Variants in RPGRIP1 observed in about 807,000 individuals in gnomAD.
RPGRIP1 encodes RPGR interacting protein 1.
In RPGRIP1, 128 loss-of-function variants were observed where a neutral mutation model predicts 157.9. The observed-to-expected ratio is 0.81, with a 90% CI of 0.70 to 0.94. The LOEUF is 0.94. Ranked by LOEUF, RPGRIP1 falls within the 40% of genes least tolerant of loss-of-function variation. The pLI, the probability that RPGRIP1 is intolerant of heterozygous loss-of-function variation, is 0.00. For synonymous variants in RPGRIP1, 554 were observed against 571.6 expected (o/e 0.97, Z 0.44); for missense variants, 1,486 against 1,545.8 (o/e 0.96, Z 0.65).
In RPGRIP1 at chr14:21,341,295, T is replaced by A. The variant is rs144095021; in HGVS notation, c.3340-1741T>A. 3.4e-3 allele frequency among the ~76,000 whole-genome samples: 521 copies of A among 152,264 alleles called. 4 individuals carry two copies. Among genetic ancestry groups the A allele is most frequent in the African/African-American group, 0.01 (422 of 41,552 alleles). ...AACTGCCCGCCTCGGCCTCCCAAAATGCTGGTATTACAGGTGTGAGCCTCT... is the reference window on the plus strand; with the variant it reads ...AACTGCCCGCCTCGGCCTCCCAAAAAGCTGGTATTACAGGTGTGAGCCTCT... On this transcript the variant is annotated intron_variant, in intron 21 of 24. Transcript: ENST00000400017.
At chr14:21,304,803 ATTC>A (rs1881227438) in intron 6 of RPGRIP1, among the ~76,000 whole-genome samples, 1 of 149,610 alleles carries the variant, frequency 6.7e-6, no homozygotes, top group African/African-American at 2.4e-5. Flanking sequence ...GGTGTTGTAC[ATTC>A]TTTTTTTTTT....
At chr14:21,316,935 C>A (rs916701160) in intron 10 of RPGRIP1, among the ~76,000 whole-genome samples, 2 of 151,846 alleles carry the variant, frequency 1.3e-5, no homozygotes, top group Admixed American at 6.6e-5. Flanking sequence ...GCACAGCCAA[C>A]ATTGTAAAAC....
chr14:21,351,071 T>C (rs1306517510), intron 24 of RPGRIP1, 33 bp from the exon 25 acceptor site: 1 of 1,259,282 alleles, frequency 7.9e-7, no homozygotes, highest in Non-Finnish European at 1.1e-6. Context: ...AGTGTTCAAC[T>C]GAGTGATGCT....
intron 2 of RPGRIP1, among the ~76,000 whole-genome samples, chr14:21,292,353 A>G (rs1017262757): frequency 2.0e-5 from 3 of 151,586 alleles, no homozygotes; most frequent in African/African-American, 7.3e-5. Context: ...CCTCAGAAAC[A>G]CTGTTTTCGG....
In RPGRIP1 at chr14:21,328,539, G is replaced by A; in HGVS notation, c.3011G>A (p.Arg1004Lys). Residue 1004 changes from arginine (R) to lysine (K), a missense_variant, in exon 19 of 25, where the codon AGA becomes AAA. Physicochemically the swap from Arg to Lys is conservative, Grantham distance 26. Coordinates refer to ENST00000400017, the MANE Select transcript of RPGRIP1 (RefSeq NM_020366.4). ...GAGCACCAGGTTGTGAGCTACTCAA[G>A]AAGAAAACATGGCAAAAGAATAGGT... is the stretch of plus-strand genomic sequence containing the variant. The part of the protein sequence containing the change: ...EKEHQVVSYS[R>K]RKHGKRIGVQ... 6.2e-7 allele frequency: 1 copy of A among 1,613,786 alleles called. No homozygotes were observed. The highest frequency in any genetic ancestry group is 8.5e-7 in the Non-Finnish European group (1 of 1,179,770).
At chr14:21,293,190 C>T (rs1222734756) in intron 2 of RPGRIP1, among the ~76,000 whole-genome samples, 1 of 151,888 alleles carries the variant, frequency 6.6e-6, no homozygotes, top group Non-Finnish European at 1.5e-5. Flanking sequence ...AATATGGTTC[C>T]CATTCACCAT....
At chr14:21,290,818 CAAA>C (rs111616598) in intron 2 of RPGRIP1, among the ~76,000 whole-genome samples, 1 of 114,892 alleles carries the variant, frequency 8.7e-6, no homozygotes. Context: ...GACTCCGTCT[CAAA>C]AAAAAAAAAA....
Position 21,341,545 on chromosome 14 carries a change from G to A in RPGRIP1, c.3340-1491G>A, listed in dbSNP as rs74034912. On this transcript the variant is annotated intron_variant, in intron 21 of 24. Transcript: ENST00000400017. Reference sequence around the variant, plus strand: ...ACAGGAGGGCACTCACAGATAGAGGGGAGAGCGCTATGGCTGGTAGGGAAC... The same window carrying A: ...ACAGGAGGGCACTCACAGATAGAGGAGAGAGCGCTATGGCTGGTAGGGAAC... 3.5e-3 allele frequency among the ~76,000 whole-genome samples: 531 copies of A among 152,184 alleles called. 1 individual carries two copies. The highest frequency in any genetic ancestry group is 0.012 in the African/African-American group (508 of 41,538).
At chr14:21,307,628 C>CAAGA in intron 6 of RPGRIP1, 103 bp from the exon 7 acceptor site, 2 of 717,680 alleles carry the variant, frequency 2.8e-6, no homozygotes, top group Non-Finnish European at 4.9e-6. Flanking sequence ...GACGGGAAGG[C>CAAGA]AAGAGACAAG....
At chr14:21,329,434 C>A (rs993051099) in intron 19 of RPGRIP1, among the ~76,000 whole-genome samples, 2 of 151,982 alleles carry the variant, frequency 1.3e-5, no homozygotes, top group Non-Finnish European at 1.5e-5. Flanking sequence ...TAATTTAATT[C>A]AGCATATTAT....
chr14:21,307,776 C>T lies in RPGRIP1; in HGVS notation c.846C>T (p.Leu282=), dbSNP rs201186199. 48 of 1,569,408 alleles carry T rather than the reference C, an allele frequency of 3.1e-5. No homozygotes were observed. The highest frequency in any genetic ancestry group is 2.1e-4 in the East Asian group (9 of 43,066). The change falls in exon 7 of 25, where the codon CTC becomes CTT. Residue 282 remains leucine (L), a synonymous_variant. Coordinates refer to ENST00000400017, the MANE Select transcript of RPGRIP1 (RefSeq NM_020366.4). Reference sequence around the variant, plus strand: ...TAGAGCTGATTCGACTTAAGAAGCTCTTACATGAAAGAAATGCTTCATTGG... The same window carrying T: ...TAGAGCTGATTCGACTTAAGAAGCTTTTACATGAAAGAAATGCTTCATTGG... ...EKVELIRLKK[L]LHERNASLVM... is the part of the protein sequence containing the mutation.
At chr14:21,288,308 G>A (rs1020815945) in intron 2 of RPGRIP1, among the ~76,000 whole-genome samples, 1 of 150,822 alleles carries the variant, frequency 6.6e-6, no homozygotes, top group Admixed American at 6.7e-5. Flanking sequence ...AGCCTCCCAA[G>A]TAGCAGGGAT....
At chr14:21,304,621 A>C (rs187095467) in intron 6 of RPGRIP1, among the ~76,000 whole-genome samples, 337 of 152,174 alleles carry the variant, frequency 2.2e-3, no homozygotes, top group Admixed American at 3.3e-3. Flanking sequence ...TTTATAGCAA[A>C]ATTAAGCAGG....
chr14:21,341,875 C>T (rs972740992), intron 21 of RPGRIP1, among the ~76,000 whole-genome samples: 9 of 151,968 alleles, frequency 5.9e-5, no homozygotes, highest in African/African-American at 1.9e-4. Context: ...CTAACTAAAC[C>T]CCGTCTCTAC....
chr14:21,335,484 G>T lies in RPGRIP1; in HGVS notation c.3339+779G>T, dbSNP rs60059258. ...CTGTAATTATCTATTAAACAGTTCAGCCTCAAAGCTCTTTCAGAACTGATT... is the reference window on the plus strand; with the variant it reads ...CTGTAATTATCTATTAAACAGTTCATCCTCAAAGCTCTTTCAGAACTGATT... On this transcript the variant is annotated intron_variant, in intron 21 of 24. Transcript: ENST00000400017. Among the ~76,000 whole-genome samples, 938 of 152,042 alleles carry T rather than the reference G, an allele frequency of 6.2e-3. 8 individuals carry two copies. Among genetic ancestry groups the T allele is most frequent in the African/African-American group, 0.022 (895 of 41,458 alleles).
intron 20 of RPGRIP1, among the ~76,000 whole-genome samples, chr14:21,332,933 G>A (rs756013773): frequency 8.6e-5 from 13 of 152,030 alleles, no homozygotes; most frequent in African/African-American, 2.9e-4. Flanking sequence ...GTAAAACCCC[G>A]CCTCTACTAA....
At chr14:21,303,249 C>A in intron 5 of RPGRIP1, 82 bp from the exon 6 acceptor site, 1 of 900,040 alleles carries the variant, frequency 1.1e-6, no homozygotes, top group Non-Finnish European at 1.7e-6. Context: ...GTTACTGATT[C>A]ACTTAATTTC....
At position 21,324,723 on chromosome 14, in the gene RPGRIP1, A is replaced by G. The variant is rs776025469; in HGVS notation, c.1868A>G (p.Gln623Arg). The G allele has an allele frequency of 6.2e-7, 1 of 1,614,022 alleles. No homozygotes were observed. The highest frequency in any genetic ancestry group is 1.1e-5 in the South Asian group (1 of 91,080). ...AAAGTGGATATTTCTCTGCTGCATC[A>G]GGGTGAGAATCTTTTTGAACTGCAC... The part of the protein sequence containing the change: ...EDKVDISLLH[Q>R]GENLFELHIH... The change falls in exon 15 of 25, where the codon CAG becomes CGG. Residue 623 changes from glutamine (Q) to arginine (R), a missense_variant. By Grantham distance (43) the Gln-to-Arg change is conservative (BLOSUM62 1). Transcript: ENST00000400017.
rs1880356692 is a variant in RPGRIP1 at position 21,287,937 on chromosome 14, A to C, written c.-38-2A>C. The C allele has an allele frequency of 7.3e-7, 1 of 1,378,086 alleles. No homozygotes were observed. The highest frequency in any genetic ancestry group is 1.4e-5 in the African/African-American group (1 of 69,656). 85.4% of individuals were successfully genotyped at this position (1,378,086 alleles called of 1,614,324 possible). On this transcript the variant is annotated splice_acceptor_variant, in intron 1 of 24. Transcript: ENST00000400017. LOFTEE classifies it low-confidence loss of function (5UTR_SPLICE). ...ACTGACTGGACTTTTCCTTTATTTC[A>C]GTGTCCTCTGGGATCTCTTACAGCT...
Sources: gnomAD v4.1 joint callset for allele counts (sites outside exome capture counted in the v4.1 genomes callset) on GRCh38, gnomAD v4.1.1 for gene constraint, MANE v1.5 for transcripts, NCBI Gene and HGNC (gene_info 2026-07-23, HGNC 2026-07-21) for gene names.